EPHA6: variants seen among roughly 807,000 people sequenced by gnomAD.
The protein encoded by EPHA6 is ephrin type-A receptor 6.
EPHA6 carries 50 observed loss-of-function variants against 112.0 expected under a neutral mutation model. The observed-to-expected ratio is 0.45, with a 90% CI of 0.36 to 0.56. The LOEUF is 0.56. EPHA6 is among the 20% of genes least tolerant of loss of function. The pLI is 0.00. For synonymous variants in EPHA6, 529 were observed against 490.7 expected (o/e 1.08, Z -1.03); for missense variants, 1,280 against 1,417.4 (o/e 0.90, Z 1.56).
intron 2 of EPHA6, among the ~76,000 whole-genome samples, chr3:96,868,193 A>AGTGTGT (rs35241894): frequency 6.1e-4 from 90 of 148,086 alleles, no homozygotes; most frequent in East Asian, 1.6e-3. Flanking sequence ...AGAGAGACAG[A>AGTGTGT]GTGTGTGTGT....
chr3:96,868,769 C>G (rs1049031785), intron 2 of EPHA6, among the ~76,000 whole-genome samples: 1 of 151,854 alleles, frequency 6.6e-6, no homozygotes, highest in African/African-American at 2.4e-5. Context: ...AAAAACTCTT[C>G]CTATAAAGAA....
Position 97,736,095 on chromosome 3 carries a change from C to T in EPHA6, c.3105C>T (p.His1035=). The T allele has an allele frequency of 6.2e-7, 1 of 1,612,162 alleles. No individual in the cohort carries two copies. Among genetic ancestry groups the T allele is most frequent in the Non-Finnish European group, 8.5e-7 (1 of 1,178,916 alleles). The part of the protein sequence containing the change: ...DKLIRNPSAL[H]TLVEDILVMP... ...TGATCCGAAATCCCAGTGCCCTTCA[C>T]ACCCTGGTGGAGGACATCCTTGTGT... The change falls in exon 16 of 18, where the codon CAC becomes CAT. Residue 1035 remains histidine, a synonymous_variant. Coordinates refer to ENST00000389672, the MANE Select transcript of EPHA6 (RefSeq NM_001080448.3).
At chr3:97,607,957 C>A (rs561739272) in intron 12 of EPHA6, among the ~76,000 whole-genome samples, 31 of 151,004 alleles carry the variant, frequency 2.1e-4, no homozygotes, top group African/African-American at 7.0e-4. Context: ...TCATAGTTTC[C>A]CCTGTACTTA....
chr3:96,991,505 G>A (rs1359105320), intron 3 of EPHA6, among the ~76,000 whole-genome samples: 1 of 152,014 alleles, frequency 6.6e-6, no homozygotes, highest in Non-Finnish European at 1.5e-5. Context: ...GGCTTAAGAG[G>A]GAGTTTATTC....
chr3:97,626,426 A>T (rs1267907100), intron 13 of EPHA6, among the ~76,000 whole-genome samples: 2 of 151,836 alleles, frequency 1.3e-5, no homozygotes, highest in Non-Finnish European at 2.9e-5. Flanking sequence ...TGTAAGAGTG[A>T]AGATAATAGA....
At chr3:97,355,532 A>C (rs901026920) in intron 5 of EPHA6, among the ~76,000 whole-genome samples, 1 of 152,174 alleles carries the variant, frequency 6.6e-6, no homozygotes, top group Non-Finnish European at 1.5e-5. Flanking sequence ...TACAACAGAC[A>C]AAAAAATAAA....
chr3:97,009,998 TGATAGGAGC>T, intron 3 of EPHA6: 1 of 911,428 alleles, frequency 1.1e-6, no homozygotes, highest in Non-Finnish European at 1.6e-6. Context: ...TTTTTTTTTT[TGATAGGAGC>T]CTCCAAAGGC....
intron 3 of EPHA6, among the ~76,000 whole-genome samples, chr3:97,168,798 G>T (rs1428158853): frequency 6.6e-6 from 1 of 152,024 alleles, no homozygotes; most frequent in Non-Finnish European, 1.5e-5. Flanking sequence ...CTATAGCAGT[G>T]GGAGAATGGG....
chr3:97,352,222 G>A (rs2083849849), intron 5 of EPHA6, among the ~76,000 whole-genome samples: 1 of 151,964 alleles, frequency 6.6e-6, no homozygotes, highest in South Asian at 2.1e-4. Context: ...AATATATTTG[G>A]GTTCAAGGGT....
chr3:96,852,640 G>T (rs1013353777), intron 1 of EPHA6, among the ~76,000 whole-genome samples: 1 of 151,128 alleles, frequency 6.6e-6, no homozygotes, highest in Non-Finnish European at 1.5e-5. Context: ...TGTAAAAATG[G>T]CTTGCTCCCC....
chr3:97,377,197 A>C (rs1422594243), intron 5 of EPHA6, among the ~76,000 whole-genome samples: 1 of 152,230 alleles, frequency 6.6e-6, no homozygotes, highest in South Asian at 2.1e-4. Context: ...ACTCAATAGG[A>C]GATAATTTGA....
chr3:96,980,958 G>C (rs1211215424), intron 2 of EPHA6, among the ~76,000 whole-genome samples: 2 of 152,118 alleles, frequency 1.3e-5, no homozygotes, highest in African/African-American at 4.8e-5. Context: ...GGGCTGAGAC[G>C]ATGGGGTTTT....
intron 2 of EPHA6, among the ~76,000 whole-genome samples, chr3:96,900,243 GT>G (rs2038529770): frequency 1.3e-5 from 2 of 152,136 alleles, no homozygotes. Flanking sequence ...CTTAGTCATG[GT>G]TAATGTTTCA....
At chr3:97,640,484 G>A (rs1344896512) in intron 14 of EPHA6, among the ~76,000 whole-genome samples, 1 of 152,060 alleles carries the variant, frequency 6.6e-6, no homozygotes, top group African/African-American at 2.4e-5. Flanking sequence ...ATATTATTGG[G>A]GCCGGGCACG....
At chr3:97,587,403 TG>T (rs2093500626) in intron 11 of EPHA6, among the ~76,000 whole-genome samples, 2 of 152,216 alleles carry the variant, frequency 1.3e-5, no homozygotes, top group African/African-American at 4.8e-5. Flanking sequence ...TACTTATTAT[TG>T]TTTTATGCTT....
intron 2 of EPHA6, among the ~76,000 whole-genome samples, chr3:96,894,915 A>G (rs995076396): frequency 3.3e-5 from 5 of 152,218 alleles, no homozygotes; most frequent in Non-Finnish European, 7.3e-5. Flanking sequence ...AGCTTCCTAA[A>G]AATTTGGAAA....
intron 5 of EPHA6, among the ~76,000 whole-genome samples, chr3:97,254,345 C>T (rs933760433): frequency 1.2e-4 from 19 of 152,046 alleles, no homozygotes; most frequent in African/African-American, 2.4e-4. Context: ...CATGCCACCA[C>T]GCCAGGGTAA....
chr3:97,094,550 G>C (rs2047179151), intron 3 of EPHA6, among the ~76,000 whole-genome samples: 1 of 152,092 alleles, frequency 6.6e-6, no homozygotes, highest in East Asian at 1.9e-4. Flanking sequence ...AGAAATATTA[G>C]TGCTAGGCAG....
At chr3:97,099,810 G>C (rs1245711230) in intron 3 of EPHA6, among the ~76,000 whole-genome samples, 1 of 151,944 alleles carries the variant, frequency 6.6e-6, no homozygotes, top group Non-Finnish European at 1.5e-5. Context: ...GATCCTGAAT[G>C]ATCATATGGA....
Sources: allele counts gnomAD v4.1 joint callset (sites outside exome capture counted in the v4.1 genomes callset), GRCh38; gene constraint gnomAD v4.1.1; transcripts MANE v1.5; gene names NCBI Gene and HGNC (gene_info 2026-07-23, HGNC 2026-07-21).